ZNF682: variants seen among roughly 807,000 people sequenced by gnomAD.
ZNF682 encodes the protein zinc finger protein 682.
Under a neutral mutation model 36.5 loss-of-function variants are expected in ZNF682, and 29 were observed. The ratio of observed to expected loss-of-function variants is 0.80; its 90% CI spans 0.59 to 1.08. The LOEUF is 1.08. Among genes scored for constraint, ZNF682 ranks in the 50% least tolerant of loss-of-function variants. ZNF682 has a pLI of 0.00. For missense variants in ZNF682, 561 were observed against 579.7 expected, an observed-to-expected ratio of 0.97 and a Z score of 0.33; for synonymous variants, 180 against 197.0, an observed-to-expected ratio of 0.91 and a Z score of 0.72.
At chr19:20,003,386 A>G (rs1162873705), downstream of ZNF682, among the ~76,000 whole-genome samples, 2 of 151,890 alleles carry the variant, frequency 1.3e-5, no homozygotes, top group Non-Finnish European at 2.9e-5. Flanking sequence ...AGCAGATTAT[A>G]TAAAGAATAC....
downstream of ZNF682, among the ~76,000 whole-genome samples, chr19:20,004,172 A>G (rs996554419): frequency 1.9e-4 from 29 of 152,234 alleles, no homozygotes; most frequent in Non-Finnish European, 2.1e-4. Context: ...ATGCCTGTGT[A>G]ATTTTCATAA....
chr19:20,015,506 T>C, intron 3 of ZNF682: 1 of 813,012 alleles, frequency 1.2e-6, no homozygotes, highest in Non-Finnish European at 1.5e-6. Context: ...TCAAATGGCC[T>C]ATTATAAAAA....
intron 3 of ZNF682, among the ~76,000 whole-genome samples, chr19:20,011,242 A>G (rs1027779071): frequency 6.6e-6 from 1 of 152,240 alleles, no homozygotes; most frequent in African/African-American, 2.4e-5. Flanking sequence ...TAAAGGATTC[A>G]ATAAATAAAT....
At chr19:19,997,238 G>T in exon 4 of ZNF682, 2 of 398,622 alleles carry the variant, frequency 5.0e-6, no homozygotes, top group Non-Finnish European at 8.8e-6. Flanking sequence ...CAGGACTGGG[G>T]TCCTACTGTC....
At chr19:20,024,809 T>C (rs1199618717) in intron 1 of ZNF682, among the ~76,000 whole-genome samples, 1 of 7,322 alleles carries the variant, frequency 1.4e-4, no homozygotes, top group Non-Finnish European at 3.4e-4. Flanking sequence ...TGGCACTCCT[T>C]GCCTGGGCGA....
chr19:20,026,945 A>G, intron 1 of ZNF682, among the ~76,000 whole-genome samples: 1 of 152,192 alleles, frequency 6.6e-6, no homozygotes, highest in Admixed American at 6.5e-5. Context: ...GAAAAGGAGG[A>G]AAAAAAGTAT....
At chr19:20,025,125 T>C (rs530318775) in intron 1 of ZNF682, among the ~76,000 whole-genome samples, 1 of 152,128 alleles carries the variant, frequency 6.6e-6, no homozygotes, top group Non-Finnish European at 1.5e-5. Context: ...GGCATCCGAA[T>C]CAAGAATATT....
At chr19:20,028,501 C>T (rs558983801) in intron 1 of ZNF682, among the ~76,000 whole-genome samples, 1 of 152,078 alleles carries the variant, frequency 6.6e-6, no homozygotes, top group Non-Finnish European at 1.5e-5. Context: ...TGTGAGTCAC[C>T]GTGCCCAGTC....
At chr19:20,012,360 C>T in intron 3 of ZNF682, among the ~76,000 whole-genome samples, 1 of 151,870 alleles carries the variant, frequency 6.6e-6, no homozygotes, top group East Asian at 1.9e-4. Context: ...AAAAAGGATC[C>T]AATAAGCACA....
rs1442434303 is a variant in ZNF682, at chr19:20,006,638, T to C, written c.864A>G (p.Glu288=). ...GCCGGTTAAACGCTCTGCCACAGTC[T>C]TCACATGTATAGGGTTTTTCTCCTG... The part of the protein sequence containing the change: ...IHTGEKPYTC[E]DCGRAFNRHS... Residue 288 remains glutamate, a synonymous_variant, in exon 4 of 4, where the codon GAA becomes GAG. Transcript: ENST00000397165. 9.3e-6 allele frequency: 15 copies of C among 1,614,044 alleles called. No homozygotes were observed. The highest frequency in any genetic ancestry group is 1.2e-5 in the Non-Finnish European group (14 of 1,180,046).
At chr19:20,031,900 T>C (rs2088483175) in intron 1 of ZNF682, among the ~76,000 whole-genome samples, 1 of 152,176 alleles carries the variant, frequency 6.6e-6, no homozygotes, top group African/African-American at 2.4e-5. Flanking sequence ...AAAAAGTTCT[T>C]TGTCAAGGAT....
chr19:20,029,145 A>G (rs2088457676), intron 1 of ZNF682, among the ~76,000 whole-genome samples: 1 of 151,392 alleles, frequency 6.6e-6, no homozygotes, highest in Non-Finnish European at 1.5e-5. Flanking sequence ...CGGCCAGCTA[A>G]TTTTTCTATT....
intron 1 of ZNF682, among the ~76,000 whole-genome samples, chr19:20,031,350 G>A (rs1267579718): frequency 6.6e-6 from 1 of 152,174 alleles, no homozygotes. Flanking sequence ...TTTACACCAA[G>A]AGCCTCTCAC....
At chr19:20,016,409 T>G (rs1320186548) in intron 3 of ZNF682, among the ~76,000 whole-genome samples, 1 of 152,076 alleles carries the variant, frequency 6.6e-6, no homozygotes, top group South Asian at 2.1e-4. Flanking sequence ...TTTAAACATG[T>G]TCAATGAGCA....
intron 1 of ZNF682, among the ~76,000 whole-genome samples, chr19:20,034,934 T>C (rs1223715613): frequency 6.6e-6 from 1 of 151,898 alleles, no homozygotes; most frequent in African/African-American, 2.4e-5. Flanking sequence ...CCGTCTCTAC[T>C]AAAATCCAAA....
At chr19:20,030,426 C>T (rs1193785049) in intron 1 of ZNF682, among the ~76,000 whole-genome samples, 5 of 152,050 alleles carry the variant, frequency 3.3e-5, no homozygotes, top group East Asian at 3.9e-4. Context: ...AGAAATTAGC[C>T]GGGCGTGGTG....
Position 20,006,498 on chromosome 19 carries a change from T to C in ZNF682, c.1004A>G (p.His335Arg), listed in dbSNP as rs763581744. Residue 335 changes from histidine to arginine, a missense_variant, in exon 4 of 4, where the codon CAT becomes CGT. Coordinates refer to ENST00000397165, the MANE Select transcript of ZNF682 (RefSeq NM_033196.3). ...CSLLTIHERTHTGEKPYKCEE... is the reference protein window; with the variant it reads ...CSLLTIHERTRTGEKPYKCEE... ...ACATTTATAGGGTTTCTCTCCCGTA[T>C]GGGTTCTCTCATGTATAGTAAGTAG... 40 of 1,613,998 alleles carry C rather than the reference T, an allele frequency of 2.5e-5. No homozygotes were observed. Among genetic ancestry groups the C allele is most frequent in the Admixed American group, 2.3e-4 (14 of 60,008 alleles).
chr19:20,009,325 A>C (rs1011813065), intron 3 of ZNF682, among the ~76,000 whole-genome samples: 5 of 152,196 alleles, frequency 3.3e-5, no homozygotes, highest in African/African-American at 1.2e-4. Context: ...AAGATAGTAA[A>C]GAAAAAAGAA....
downstream of ZNF682, among the ~76,000 whole-genome samples, chr19:19,995,581 A>G (rs1338250414): frequency 6.6e-6 from 1 of 152,164 alleles, no homozygotes; most frequent in Non-Finnish European, 1.5e-5. Flanking sequence ...GAATGCCTCA[A>G]GGGGCTCACA....
Sources: allele counts gnomAD v4.1 joint callset (sites outside exome capture counted in the v4.1 genomes callset), GRCh38; gene constraint gnomAD v4.1.1; transcripts MANE v1.5; gene names NCBI Gene and HGNC (gene_info 2026-07-23, HGNC 2026-07-21).